RPS6KC1: variants seen among roughly 807,000 people sequenced by gnomAD.
RPS6KC1 encodes the protein inactive ribosomal protein S6 kinase delta-1.
In RPS6KC1, 54 loss-of-function variants were observed where a neutral mutation model predicts 103.8. That is an observed-to-expected ratio of 0.52 (90% confidence interval 0.42 to 0.65). The LOEUF is 0.65. RPS6KC1 is among the 30% of genes least tolerant of loss of function. RPS6KC1 has a pLI of 0.00. For synonymous variants in RPS6KC1, 439 were observed against 438.7 expected, an observed-to-expected ratio of 1.00 and a Z score of -0.01; for missense variants, 1,151 against 1,253.8, an observed-to-expected ratio of 0.92 and a Z score of 1.24.
the RPS6KC1 span, among the ~76,000 whole-genome samples, chr1:213,295,521 G>A: frequency 6.6e-6 from 1 of 152,022 alleles, no homozygotes; most frequent in Admixed American, 6.6e-5. Context: ...TTCATATATT[G>A]GATATAGTTT....
intron 12 of RPS6KC1, among the ~76,000 whole-genome samples, chr1:213,244,837 TG>T (rs2094429088): frequency 6.6e-6 from 1 of 152,176 alleles, no homozygotes. Context: ...CACTAGCATT[TG>T]AAAAAAGCTG....
chr1:213,537,960 T>C, the RPS6KC1 span, among the ~76,000 whole-genome samples: 2 of 152,130 alleles, frequency 1.3e-5, no homozygotes, highest in Admixed American at 6.5e-5. Context: ...AGGGACCTCA[T>C]TGTAGGAGGG....
rs531879828 is a variant in RPS6KC1, at chr1:213,092,618, G to T, written c.263-11836G>T. ...ACCAGGGAGGCGGAGCTTGCAGTGA[G>T]CCCAGATCGTGCCACTGCACTCCAG... On this transcript the variant is annotated intron_variant, in intron 3 of 14. Transcript: ENST00000366960. 6.6e-5 allele frequency among the ~76,000 whole-genome samples: 10 copies of T among 150,568 alleles called. No homozygotes were observed. In the South Asian group the frequency reaches 1.9e-3, roughly 28 times the overall value.
At chr1:213,782,937 A>C in the RPS6KC1 span, among the ~76,000 whole-genome samples, 9 of 152,190 alleles carry the variant, frequency 5.9e-5, no homozygotes, top group Non-Finnish European at 1.3e-4. Flanking sequence ...AGTTGCCCCC[A>C]GAGTTCTCAG....
At chr1:213,628,915 A>T in the RPS6KC1 span, among the ~76,000 whole-genome samples, 38 of 152,058 alleles carry the variant, frequency 2.5e-4, no homozygotes, top group Non-Finnish European at 5.6e-4. Context: ...CTTAACCCTG[A>T]GTTCTGGTTT....
At chr1:213,175,283 G>T (rs1451917526) in intron 7 of RPS6KC1, among the ~76,000 whole-genome samples, 2 of 152,170 alleles carry the variant, frequency 1.3e-5, no homozygotes, top group African/African-American at 4.8e-5. Flanking sequence ...TTCTCAAGGA[G>T]CTGCCTGTCT....
intron 2 of RPS6KC1, among the ~76,000 whole-genome samples, chr1:213,072,165 A>C (rs910330644): frequency 4.0e-5 from 6 of 151,486 alleles, no homozygotes; most frequent in Admixed American, 2.0e-4. Flanking sequence ...ACAATTAAAT[A>C]TGAATGTCTT....
chr1:213,469,061 G>A, the RPS6KC1 span, among the ~76,000 whole-genome samples: 2 of 152,072 alleles, frequency 1.3e-5, no homozygotes, highest in South Asian at 2.1e-4. Context: ...TGGTAATCCC[G>A]CTGTCCCCTT....
At chr1:213,762,884 C>T in the RPS6KC1 span, among the ~76,000 whole-genome samples, 1 of 144,074 alleles carries the variant, frequency 6.9e-6, no homozygotes, top group Non-Finnish European at 1.5e-5. Context: ...TTTTTTGAGA[C>T]GGAGTCTCTC....
intron 8 of RPS6KC1, among the ~76,000 whole-genome samples, chr1:213,178,544 AAAAC>A (rs960289358): frequency 2.7e-4 from 41 of 152,042 alleles, no homozygotes; most frequent in East Asian, 5.8e-4. Context: ...CTGTCTCAAA[AAAAC>A]AAACAAACAA....
At chr1:213,131,632 C>G (rs1311547694) in intron 6 of RPS6KC1, among the ~76,000 whole-genome samples, 1 of 151,936 alleles carries the variant, frequency 6.6e-6, no homozygotes, top group Non-Finnish European at 1.5e-5. Flanking sequence ...TTAGCAGAAA[C>G]GGGGTTTCAC....
At chr1:213,138,418 G>A (rs1399414019) in intron 6 of RPS6KC1, among the ~76,000 whole-genome samples, 1 of 152,016 alleles carries the variant, frequency 6.6e-6, no homozygotes, top group Non-Finnish European at 1.5e-5. Flanking sequence ...TAGGTAAATT[G>A]TGTGTCACAG....
At chr1:213,359,019 G>C in the RPS6KC1 span, among the ~76,000 whole-genome samples, 360 of 152,342 alleles carry the variant, frequency 2.4e-3, 1 homozygote, top group Non-Finnish European at 4.1e-3. Context: ...ATGCTGAGAA[G>C]AATGTATATT....
At chr1:213,305,408 C>A in the RPS6KC1 span, among the ~76,000 whole-genome samples, 1 of 152,180 alleles carries the variant, frequency 6.6e-6, no homozygotes, top group Non-Finnish European at 1.5e-5. Context: ...ATTACTAGAC[C>A]AAATTGGGAT....
intron 6 of RPS6KC1, among the ~76,000 whole-genome samples, chr1:213,150,947 AC>A (rs1271004558): frequency 1.7e-5 from 2 of 117,738 alleles, no homozygotes; most frequent in Admixed American, 9.0e-5. Context: ...AGGGGGGCTG[AC>A]CCCCCCACCT....
At chr1:213,593,260 G>T in the RPS6KC1 span, among the ~76,000 whole-genome samples, 4 of 152,188 alleles carry the variant, frequency 2.6e-5, no homozygotes, top group Non-Finnish European at 5.9e-5. Flanking sequence ...AACAACAGTA[G>T]GTTTTTAGGA....
intron 3 of RPS6KC1, among the ~76,000 whole-genome samples, chr1:213,099,933 A>G (rs939944038): frequency 6.6e-6 from 1 of 152,232 alleles, no homozygotes; most frequent in African/African-American, 2.4e-5. Flanking sequence ...AAGTAAATCT[A>G]CAATAAACAT....
At chr1:213,166,832 A>T (rs947721445) in intron 6 of RPS6KC1, among the ~76,000 whole-genome samples, 3 of 152,218 alleles carry the variant, frequency 2.0e-5, no homozygotes, top group African/African-American at 7.2e-5. Context: ...GAAGGGCAGG[A>T]ATGTAGCTTT....
chr1:213,709,715 T>C, the RPS6KC1 span, among the ~76,000 whole-genome samples: 17 of 152,182 alleles, frequency 1.1e-4, no homozygotes, highest in African/African-American at 3.9e-4. Flanking sequence ...ATTGGTACAT[T>C]GTGTGTTTGT....
Sources: allele counts gnomAD v4.1 joint callset (sites outside exome capture counted in the v4.1 genomes callset), GRCh38; gene constraint gnomAD v4.1.1; transcripts MANE v1.5; gene names NCBI Gene and HGNC (gene_info 2026-07-23, HGNC 2026-07-21).